ERBB4: variants seen among roughly 807,000 people sequenced by gnomAD.
The protein encoded by ERBB4 is erb-b2 receptor tyrosine kinase 4.
ERBB4 carries 42 observed loss-of-function variants against 158.0 expected under a neutral mutation model. That is an observed-to-expected ratio of 0.27 (90% CI 0.21 to 0.34). ERBB4 has a LOEUF of 0.34. Among genes scored for constraint, ERBB4 ranks in the 10% least tolerant of loss-of-function variants. The pLI is 1.00. For missense variants in ERBB4, 1,333 were observed against 1,624.1 expected, an observed-to-expected ratio of 0.82 and a Z score of 3.08; for synonymous variants, 583 against 558.7, an observed-to-expected ratio of 1.04 and a Z score of -0.61.
At chr2:212,296,179 T>C (rs899139514) in intron 1 of ERBB4, among the ~76,000 whole-genome samples, 1 of 151,936 alleles carries the variant, frequency 6.6e-6, no homozygotes. Flanking sequence ...TTAGCAATCA[T>C]AGGGAACACC....
intron 1 of ERBB4, among the ~76,000 whole-genome samples, chr2:212,490,058 A>G (rs938984725): frequency 6.6e-6 from 1 of 151,860 alleles, no homozygotes; most frequent in South Asian, 2.1e-4. Context: ...TCTTACCACT[A>G]CCTAGAATGA....
intron 1 of ERBB4, among the ~76,000 whole-genome samples, chr2:212,404,589 A>C (rs1560227949): frequency 6.6e-6 from 1 of 152,106 alleles, no homozygotes; most frequent in Non-Finnish European, 1.5e-5. Flanking sequence ...AGAGGATGAC[A>C]AGTAAAAGAA....
At chr2:212,472,149 T>C (rs1377042207) in intron 1 of ERBB4, among the ~76,000 whole-genome samples, 2 of 151,940 alleles carry the variant, frequency 1.3e-5, no homozygotes, top group Admixed American at 6.6e-5. Flanking sequence ...TCAATTGTGG[T>C]TTGTTCAATA....
chr2:211,405,926 C>T (rs1352297006), intron 25 of ERBB4, among the ~76,000 whole-genome samples: 1 of 152,152 alleles, frequency 6.6e-6, no homozygotes, highest in Non-Finnish European at 1.5e-5. Context: ...TCACCCTAGA[C>T]TTCTCTCCTT....
At position 212,120,760 on chromosome 2, in the gene ERBB4, T is replaced by C. The variant is rs374189660; in HGVS notation, c.234+3992A>G. Among the ~76,000 whole-genome samples, 69 of 152,274 alleles carry C rather than the reference T, an allele frequency of 4.5e-4. 1 individual carries two copies. The East Asian group carries it at 0.01, about 22-fold the overall frequency. On this transcript the variant is annotated intron_variant, in intron 2 of 27. Transcript: ENST00000342788. Reference sequence around the variant, plus strand: ...GATGACTATTGATCCTCTAAATACATCATTTGGGTCACTCTTAGAGGAAGG... The same window carrying C: ...GATGACTATTGATCCTCTAAATACACCATTTGGGTCACTCTTAGAGGAAGG...
Position 211,806,718 on chromosome 2 carries a change from T to G in ERBB4, c.422-18559A>C, listed in dbSNP as rs372255544. Among the ~76,000 whole-genome samples the G allele has an allele frequency of 6.2e-4, 94 of 151,992 alleles. 2 individuals carry two copies. The South Asian group carries it at 0.018, about 30-fold the overall frequency. Reference sequence around the variant, plus strand: ...CAATAATTGGACTATAACAAAAACATGTAGTGTAAGAAAATGAAAGCCAAG... The same window carrying G: ...CAATAATTGGACTATAACAAAAACAGGTAGTGTAAGAAAATGAAAGCCAAG... On this transcript the variant is annotated intron_variant, in intron 3 of 27. Transcript: ENST00000342788.
chr2:211,567,954 T>C (rs1490553005), intron 19 of ERBB4, among the ~76,000 whole-genome samples: 1 of 152,134 alleles, frequency 6.6e-6, no homozygotes, highest in Non-Finnish European at 1.5e-5. Flanking sequence ...AATTACTCTG[T>C]GTTAAACTTA....
At chr2:211,545,955 G>A (rs1381703907) in intron 20 of ERBB4, among the ~76,000 whole-genome samples, 2 of 151,964 alleles carry the variant, frequency 1.3e-5, no homozygotes, top group Non-Finnish European at 1.5e-5. Flanking sequence ...ATCCTTGACC[G>A]AGAGCCACTC....
chr2:212,286,944 A>C (rs548742428), intron 1 of ERBB4, among the ~76,000 whole-genome samples: 132 of 151,172 alleles, frequency 8.7e-4, no homozygotes, highest in African/African-American at 3.0e-3. Flanking sequence ...AAAGCGCAAG[A>C]GGCACTGGAT....
chr2:211,449,697 G>A (rs933904939), intron 20 of ERBB4, among the ~76,000 whole-genome samples: 4 of 152,086 alleles, frequency 2.6e-5, no homozygotes, highest in Non-Finnish European at 4.4e-5. Flanking sequence ...TAAAAAGAAA[G>A]CTAATTTAAT....
At chr2:212,470,438 T>C (rs1240496556) in intron 1 of ERBB4, among the ~76,000 whole-genome samples, 1 of 152,104 alleles carries the variant, frequency 6.6e-6, no homozygotes, top group Non-Finnish European at 1.5e-5. Context: ...CAGCCACACA[T>C]ACAGTTTTAC....
At chr2:212,085,892 A>T (rs1268416467) in intron 2 of ERBB4, among the ~76,000 whole-genome samples, 4 of 151,912 alleles carry the variant, frequency 2.6e-5, no homozygotes, top group Non-Finnish European at 5.9e-5. Flanking sequence ...ATATTTTTAT[A>T]TCAAGATCAC....
chr2:211,586,873 T>C (rs2125783809), intron 19 of ERBB4, among the ~76,000 whole-genome samples: 1 of 152,298 alleles, frequency 6.6e-6, no homozygotes, highest in Middle Eastern at 3.4e-3. Context: ...TCCGATAATA[T>C]TTATCTGGTG....
At chr2:212,000,290 A>G (rs2076073964) in intron 2 of ERBB4, among the ~76,000 whole-genome samples, 1 of 151,896 alleles carries the variant, frequency 6.6e-6, no homozygotes, top group Non-Finnish European at 1.5e-5. Context: ...GGCCAGATAC[A>G]TAACATTGAC....
At chr2:212,510,205 GTATATATATA>G (rs10556403) in intron 1 of ERBB4, among the ~76,000 whole-genome samples, 10 of 130,446 alleles carry the variant, frequency 7.7e-5, no homozygotes, top group Non-Finnish European at 8.0e-5. Context: ...TAACCACACA[GTATATATATA>G]TATATATATA....
chr2:211,924,157 A>C (rs925546018), intron 3 of ERBB4, among the ~76,000 whole-genome samples: 5 of 152,180 alleles, frequency 3.3e-5, no homozygotes, highest in African/African-American at 9.6e-5. Flanking sequence ...TAGTCCTCTA[A>C]AGCCCTGTGG....
intron 19 of ERBB4, among the ~76,000 whole-genome samples, chr2:211,591,379 A>G (rs916912492): frequency 5.3e-5 from 8 of 152,028 alleles, no homozygotes; most frequent in African/African-American, 1.9e-4. Context: ...ATCTCTTCTC[A>G]CTTCATCCAA....
rs2125069170 is a variant in ERBB4, at chr2:211,917,496, G to A, written c.421+29934C>T. Among the ~76,000 whole-genome samples the A allele has an allele frequency of 1.3e-5, 2 of 152,272 alleles. 1 individual carries two copies. The highest frequency in any genetic ancestry group is 4.1e-4 in the South Asian group (2 of 4,832). The stretch of plus-strand genomic sequence containing the variant: ...AACAGATGAAGAAACAAAATATGGA[G>A]ACATTAAGCAGTTTGTTCAATGCCC... On this transcript the variant is annotated intron_variant, in intron 3 of 27. Coordinates refer to ENST00000342788, the MANE Select transcript of ERBB4 (RefSeq NM_005235.3).
intron 3 of ERBB4, among the ~76,000 whole-genome samples, chr2:211,913,655 GTGTA>G (rs58822184): frequency 0.17 from 23,219 of 140,546 alleles, 1,750 homozygotes; most frequent in East Asian, 0.28. Context: ...GTGTGTGTGT[GTGTA>G]TGTGTGTATG....
Sources: allele counts gnomAD v4.1 joint callset (sites outside exome capture counted in the v4.1 genomes callset), GRCh38; gene constraint gnomAD v4.1.1; transcripts MANE v1.5; gene names NCBI Gene and HGNC (gene_info 2026-07-23, HGNC 2026-07-21).